The following LMTK2 variants were observed in gnomAD, a reference collection of about 807,000 sequenced individuals.
LMTK2 encodes lemur tail kinase 2.
Under a neutral mutation model 127.5 loss-of-function variants are expected in LMTK2, and 37 were observed. That is an observed-to-expected ratio of 0.29 (90% confidence interval 0.22 to 0.38). The LOEUF is 0.38. LMTK2 is among the 10% of genes least tolerant of loss of function. LMTK2 has a pLI of 1.00. For missense variants in LMTK2, 1,694 were observed against 1,920.3 expected, an observed-to-expected ratio of 0.88 and a Z score of 2.20; for synonymous variants, 819 against 810.1, an observed-to-expected ratio of 1.01 and a Z score of -0.19.
chr7:98,145,897 GGTCA>G (rs768483611), intron 3 of LMTK2, among the ~76,000 whole-genome samples: 33 of 152,198 alleles, frequency 2.2e-4, no homozygotes, highest in Admixed American at 1.2e-3. Context: ...CCAAATCCCT[GGTCA>G]GGAAGATTCA....
chr7:98,186,454 G>C (rs954542101), intron 8 of LMTK2, among the ~76,000 whole-genome samples: 1 of 152,186 alleles, frequency 6.6e-6, no homozygotes, highest in Admixed American at 6.5e-5. Context: ...TGTTGCTTGC[G>C]TAGAATCACA....
At chr7:98,111,327 A>G (rs1423590301) in intron 1 of LMTK2, among the ~76,000 whole-genome samples, 3 of 152,260 alleles carry the variant, frequency 2.0e-5, no homozygotes, top group African/African-American at 7.2e-5. Context: ...ACACTGTCAT[A>G]TAAATAAGGG....
chr7:98,155,694 C>T (rs1205058028), intron 5 of LMTK2, among the ~76,000 whole-genome samples: 1 of 152,134 alleles, frequency 6.6e-6, no homozygotes, highest in Non-Finnish European at 1.5e-5. Context: ...AAATATCCTT[C>T]AGGAATGAAG....
At chr7:98,145,007 T>C (rs986800975) in intron 3 of LMTK2, among the ~76,000 whole-genome samples, 1 of 152,216 alleles carries the variant, frequency 6.6e-6, no homozygotes, top group Non-Finnish European at 1.5e-5. Context: ...GTTGTTGTAC[T>C]GGTATCCGTA....
chr7:98,122,462 G>T lies in LMTK2; in HGVS notation c.104-14853G>T, dbSNP rs115158011. On this transcript the variant is annotated intron_variant, in intron 1 of 13. Transcript: ENST00000297293. ...TATATCCTTTCAAGAGTCACGGACAGGTATTTTAAAAAGCGTGTGGAACAG... is the reference window on the plus strand; with the variant it reads ...TATATCCTTTCAAGAGTCACGGACATGTATTTTAAAAAGCGTGTGGAACAG... 5.7e-3 allele frequency among the ~76,000 whole-genome samples: 866 copies of T among 152,138 alleles called. 11 individuals are homozygous for T. The highest frequency in any genetic ancestry group is 0.02 in the African/African-American group (829 of 41,500).
chr7:98,165,509 G>T (rs907526544), intron 6 of LMTK2, among the ~76,000 whole-genome samples: 1 of 152,102 alleles, frequency 6.6e-6, no homozygotes, highest in African/African-American at 2.4e-5. Flanking sequence ...TAGAAATGGG[G>T]TCTCACTATA....
intron 4 of LMTK2, among the ~76,000 whole-genome samples, chr7:98,153,108 C>T (rs978660807): frequency 8.5e-5 from 13 of 152,072 alleles, no homozygotes; most frequent in Admixed American, 6.5e-5. Context: ...GTGAGTTGGC[C>T]GTTAGACAAC....
intron 2 of LMTK2, among the ~76,000 whole-genome samples, chr7:98,139,057 G>A (rs938600935): frequency 6.6e-6 from 1 of 152,206 alleles, no homozygotes; most frequent in African/African-American, 2.4e-5. Context: ...TGGTAACACA[G>A]GTGACTTGCC....
chr7:98,175,604 C>T (rs1306125747), intron 7 of LMTK2, among the ~76,000 whole-genome samples: 1 of 152,198 alleles, frequency 6.6e-6, no homozygotes, highest in Admixed American at 6.5e-5. Context: ...AAAACCAAAC[C>T]GGAATTCATA....
At chr7:98,132,368 A>T (rs1796532253) in intron 1 of LMTK2, among the ~76,000 whole-genome samples, 1 of 151,956 alleles carries the variant, frequency 6.6e-6, no homozygotes, top group Non-Finnish European at 1.5e-5. Flanking sequence ...CCCCTGCCTC[A>T]GCCTCCCGAG....
intron 2 of LMTK2, among the ~76,000 whole-genome samples, chr7:98,140,320 T>A (rs536782522): frequency 3.5e-3 from 538 of 151,826 alleles, no homozygotes; most frequent in Admixed American, 6.7e-3. Context: ...CTAATTTTTT[T>A]AAATCATTAT....
intron 6 of LMTK2, among the ~76,000 whole-genome samples, chr7:98,164,829 C>G (rs1459164625): frequency 6.6e-6 from 1 of 152,206 alleles, no homozygotes; most frequent in Non-Finnish European, 1.5e-5. Context: ...CTAACCTTTG[C>G]CACATCCTAG....
intron 9 of LMTK2, among the ~76,000 whole-genome samples, chr7:98,189,420 T>G (rs1219882381): frequency 1.3e-5 from 2 of 152,176 alleles, no homozygotes; most frequent in African/African-American, 4.8e-5. Flanking sequence ...TGTAGTTGCT[T>G]CTTTGTTGTT....
At position 98,192,710 on chromosome 7, in the gene LMTK2, C is replaced by CT; in HGVS notation, c.2247dup (p.Lys750Ter). Reference sequence around the variant, plus strand: ...ACACATAAATGATCTTCAGACAGAACTTAAGAATGCTGGTTTTACTGAAGC... The same window carrying CT: ...ACACATAAATGATCTTCAGACAGAACTTTAAGAATGCTGGTTTTACTGAAGC... On this transcript the variant is annotated frameshift_variant, in exon 11 of 14. Transcript: ENST00000297293. LOFTEE classifies it high-confidence loss of function. 1 of 1,612,192 alleles carries CT rather than the reference C, an allele frequency of 6.2e-7. No individual in the cohort carries two copies.
chr7:98,172,040 C>T (rs1190699423), intron 7 of LMTK2, among the ~76,000 whole-genome samples: 1 of 152,192 alleles, frequency 6.6e-6, no homozygotes, highest in Admixed American at 6.5e-5. Flanking sequence ...TTTCATGGTG[C>T]ATCCCAGTTC....
At chr7:98,125,786 C>T (rs17169325) in intron 1 of LMTK2, among the ~76,000 whole-genome samples, 33,105 of 152,108 alleles carry the variant, frequency 0.22, 3,774 homozygotes, top group South Asian at 0.38. Context: ...CTGTTGTAAC[C>T]AGTTTCTGAC....
At chr7:98,139,376 A>G (rs995844720) in intron 2 of LMTK2, among the ~76,000 whole-genome samples, 2 of 152,074 alleles carry the variant, frequency 1.3e-5, no homozygotes, top group African/African-American at 4.8e-5. Flanking sequence ...CTGCCTCCCA[A>G]AGTACTAGGA....
chr7:98,118,658 C>T (rs1796321085), intron 1 of LMTK2, among the ~76,000 whole-genome samples: 1 of 152,184 alleles, frequency 6.6e-6, no homozygotes, highest in Admixed American at 6.5e-5. Context: ...TTCACCTTTA[C>T]CCTTCCCTCT....
intron 6 of LMTK2, among the ~76,000 whole-genome samples, chr7:98,167,532 G>C (rs896638617): frequency 6.6e-6 from 1 of 152,252 alleles, no homozygotes; most frequent in Non-Finnish European, 1.5e-5. Context: ...TTTGAAAACA[G>C]ACCCAGAACT....
Sources: gnomAD v4.1 joint callset for allele counts (sites outside exome capture counted in the v4.1 genomes callset) on GRCh38, gnomAD v4.1.1 for gene constraint, MANE v1.5 for transcripts, NCBI Gene and HGNC (gene_info 2026-07-23, HGNC 2026-07-21) for gene names.